PCDH9: variants seen among roughly 807,000 people sequenced by gnomAD.
The protein encoded by PCDH9 is protocadherin 9, also known as protocadherin-9.
PCDH9 carries 24 observed loss-of-function variants against 70.6 expected under a neutral mutation model. That is an observed-to-expected ratio of 0.34 (90% CI 0.25 to 0.48). The LOEUF (loss-of-function observed/expected upper bound fraction) is 0.48. Among genes scored for constraint, PCDH9 ranks in the 20% least tolerant of loss-of-function variants. The probability of loss-of-function intolerance (pLI) is 0.99; values close to 1 mark genes in which losing one functional copy is unlikely to be tolerated. For missense variants in PCDH9, 1,281 were observed against 1,503.6 expected (o/e 0.85, Z 2.45); for synonymous variants, 562 against 558.5 (o/e 1.01, Z -0.09).
chr13:67,082,189 T>G (rs555388376), intron 2 of PCDH9, among the ~76,000 whole-genome samples: 16 of 152,318 alleles, frequency 1.1e-4, no homozygotes, highest in African/African-American at 3.8e-4. Context: ...AGTAAATGTC[T>G]ACGGTTTAGT....
chr13:66,504,574 T>C (rs1959194062), intron 4 of PCDH9, among the ~76,000 whole-genome samples: 1 of 152,108 alleles, frequency 6.6e-6, no homozygotes. Context: ...AGGTTCTGAG[T>C]GGTTTGTTAC....
chr13:67,199,032 T>C (rs961210414), intron 2 of PCDH9, among the ~76,000 whole-genome samples: 2 of 151,794 alleles, frequency 1.3e-5, no homozygotes, highest in Non-Finnish European at 1.5e-5. Flanking sequence ...CATTAACATG[T>C]CTTAAAATCT....
intron 2 of PCDH9, among the ~76,000 whole-genome samples, chr13:67,133,717 T>G (rs1171875879): frequency 6.6e-6 from 1 of 152,130 alleles, no homozygotes; most frequent in Non-Finnish European, 1.5e-5. Context: ...GCATTGCCTT[T>G]TCTTGTGTTG....
intron 2 of PCDH9, among the ~76,000 whole-genome samples, chr13:67,147,617 C>T (rs922837759): frequency 6.6e-6 from 1 of 152,096 alleles, no homozygotes; most frequent in African/African-American, 2.4e-5. Context: ...TTTTGAAAAA[C>T]CAGAAGAAAT....
chr13:67,015,451 T>G (rs1438550368), intron 2 of PCDH9, among the ~76,000 whole-genome samples: 2 of 152,150 alleles, frequency 1.3e-5, no homozygotes, highest in African/African-American at 4.8e-5. Context: ...CTTCTGGTAT[T>G]TCAATGGTGT....
rs1955406235 is a variant in PCDH9 at position 66,303,489 on chromosome 13, G to A, written c.*1166C>T. 6.6e-6 allele frequency: 1 copy of A among 152,432 alleles called. No individual in the cohort carries two copies. Among genetic ancestry groups the A allele is most frequent in the African/African-American group, 2.4e-5 (1 of 41,408 alleles). 9.4% of individuals were successfully genotyped at this position (152,432 alleles called of 1,614,324 possible). A position where few individuals can be genotyped will look rare whatever the true frequency, so the allele number is the denominator to read the frequency against. The stretch of plus-strand genomic sequence containing the variant: ...AGGCACAACACATTAAATATTTTGT[G>A]GCTATGGTCTAATAACACTTGTGTT... On this transcript the variant is annotated 3_prime_UTR_variant, in exon 5 of 5. Coordinates refer to ENST00000377865, the MANE Select transcript of PCDH9 (RefSeq NM_203487.3).
intron 3 of PCDH9, among the ~76,000 whole-genome samples, chr13:66,668,155 T>C (rs1312530625): frequency 3.9e-5 from 6 of 152,130 alleles, no homozygotes; most frequent in Non-Finnish European, 8.8e-5. Context: ...ATTCATGTGA[T>C]CTGAGTAAGG....
intron 3 of PCDH9, among the ~76,000 whole-genome samples, chr13:66,901,787 C>T (rs547822087): frequency 1.3e-5 from 2 of 151,722 alleles, no homozygotes; most frequent in South Asian, 2.1e-4. Flanking sequence ...TTTATATTCT[C>T]TACGAAAAAT....
intron 4 of PCDH9, among the ~76,000 whole-genome samples, chr13:66,547,182 G>C (rs1447521920): frequency 3.9e-5 from 6 of 152,178 alleles, no homozygotes; most frequent in Non-Finnish European, 4.4e-5. Context: ...AATGTCAGCA[G>C]TATTTGCTAA....
intron 2 of PCDH9, among the ~76,000 whole-genome samples, chr13:67,171,490 T>C (rs1486251325): frequency 6.6e-6 from 1 of 152,182 alleles, no homozygotes; most frequent in African/African-American, 2.4e-5. Flanking sequence ...AGAATTAAAG[T>C]TGGAAGCCTT....
At chr13:66,374,332 A>G (rs1477990221) in intron 4 of PCDH9, among the ~76,000 whole-genome samples, 10 of 152,082 alleles carry the variant, frequency 6.6e-5, no homozygotes, top group Admixed American at 1.3e-4. Context: ...AACAAGGGAC[A>G]TGCGAATTTG....
At chr13:67,019,155 G>A (rs78885212) in intron 2 of PCDH9, among the ~76,000 whole-genome samples, 3,216 of 150,444 alleles carry the variant, frequency 0.021, 124 homozygotes, top group African/African-American at 0.074. Context: ...TAGTTGCCCA[G>A]GAGACCCTCC....
At position 67,015,351 on chromosome 13, in the gene PCDH9, T is replaced by C. The variant is rs1477278721; in HGVS notation, c.3037-111746A>G. ...TGAATTTTAAGTGAGATTTGGAATGTGGGATACAGAAGATAATGAAGCTTA... is the reference window on the plus strand; with the variant it reads ...TGAATTTTAAGTGAGATTTGGAATGCGGGATACAGAAGATAATGAAGCTTA... On this transcript the variant is annotated intron_variant, in intron 2 of 4. Transcript: ENST00000377865. Among the ~76,000 whole-genome samples, 3 of 152,104 alleles carry C rather than the reference T, an allele frequency of 2.0e-5. No individual in the cohort carries two copies. In the South Asian group the frequency reaches 6.2e-4, roughly 31 times the overall value.
chr13:66,682,633 T>C (rs1482013335), intron 3 of PCDH9, among the ~76,000 whole-genome samples: 1 of 152,136 alleles, frequency 6.6e-6, no homozygotes, highest in Non-Finnish European at 1.5e-5. Context: ...TAAAAAAACA[T>C]TAATTTGTAT....
At chr13:66,725,761 G>A (rs1205893920) in intron 3 of PCDH9, among the ~76,000 whole-genome samples, 3 of 152,158 alleles carry the variant, frequency 2.0e-5, no homozygotes, top group Non-Finnish European at 4.4e-5. Context: ...CATGTAAAGA[G>A]AATAAAGAAT....
chr13:66,358,204 T>A (rs1269612450), intron 4 of PCDH9, among the ~76,000 whole-genome samples: 1 of 151,990 alleles, frequency 6.6e-6, no homozygotes, highest in Non-Finnish European at 1.5e-5. Flanking sequence ...AATTTTTACT[T>A]AAAGAAAGCT....
chr13:66,569,363 T>C (rs1386750535), intron 4 of PCDH9, among the ~76,000 whole-genome samples: 3 of 151,954 alleles, frequency 2.0e-5, no homozygotes, highest in Non-Finnish European at 2.9e-5. Flanking sequence ...TAAATAAAAA[T>C]AAATTACAAA....
At chr13:66,419,869 T>A (rs1027441026) in intron 4 of PCDH9, among the ~76,000 whole-genome samples, 1 of 151,586 alleles carries the variant, frequency 6.6e-6, no homozygotes. Context: ...AGCCAAGTGG[T>A]CTGGCTCAGC....
chr13:67,118,522 G>A (rs903013761), intron 2 of PCDH9, among the ~76,000 whole-genome samples: 2 of 152,110 alleles, frequency 1.3e-5, no homozygotes, highest in Non-Finnish European at 2.9e-5. Flanking sequence ...TGGCATAATA[G>A]ATTTTGTTTG....
Sources: allele counts gnomAD v4.1 joint callset (sites outside exome capture counted in the v4.1 genomes callset), GRCh38; gene constraint gnomAD v4.1.1; transcripts MANE v1.5; gene names NCBI Gene and HGNC (gene_info 2026-07-23, HGNC 2026-07-21).